The following DOCK7 variants were observed in gnomAD, a reference collection of about 807,000 sequenced individuals.
The protein encoded by DOCK7 is dedicator of cytokinesis 7, also known as dedicator of cytokinesis protein 7.
A neutral mutation model predicts 271.0 loss-of-function variants in DOCK7; 138 were observed. That is an observed-to-expected ratio of 0.51 (90% CI 0.44 to 0.59). The LOEUF (loss-of-function observed/expected upper bound fraction) is 0.59. Among genes scored for constraint, DOCK7 ranks in the 20% least tolerant of loss-of-function variants. The pLI, the probability that DOCK7 is intolerant of heterozygous loss-of-function variation, is 0.00. For synonymous variants in DOCK7, 823 were observed against 876.1 expected (o/e 0.94, Z 1.07); for missense variants, 2,066 against 2,592.4 (o/e 0.80, Z 4.41).
At chr1:62,540,355 T>C (rs1178058651) in intron 25 of DOCK7, among the ~76,000 whole-genome samples, 3 of 152,020 alleles carry the variant, frequency 2.0e-5, no homozygotes, top group Non-Finnish European at 2.9e-5. Context: ...AAAAATTTTA[T>C]AGAGACAGGG....
At chr1:62,623,523 G>C (rs1020700332) in intron 12 of DOCK7, among the ~76,000 whole-genome samples, 20 of 152,202 alleles carry the variant, frequency 1.3e-4, no homozygotes, top group Non-Finnish European at 2.9e-5. Context: ...GGGGTAGATG[G>C]CTTATTGATT....
chr1:62,531,848 T>C (rs1645183745), intron 29 of DOCK7, among the ~76,000 whole-genome samples: 1 of 152,198 alleles, frequency 6.6e-6, no homozygotes, highest in Admixed American at 6.5e-5. Flanking sequence ...TTAGCAAGTG[T>C]CCACTTTGTG....
chr1:62,560,851 T>C (rs1646299911), intron 19 of DOCK7, among the ~76,000 whole-genome samples: 1 of 152,220 alleles, frequency 6.6e-6, no homozygotes, highest in African/African-American at 2.4e-5. Flanking sequence ...AATTTTATCA[T>C]ACTTTTTACA....
intron 20 of DOCK7, among the ~76,000 whole-genome samples, 182 bp downstream of exon 20, chr1:62,558,807 T>C (rs1469243978): frequency 2.0e-5 from 3 of 152,132 alleles, no homozygotes; most frequent in African/African-American, 7.2e-5. Context: ...ATAGAACACA[T>C]TTTATAAAAA....
intron 47 of DOCK7, among the ~76,000 whole-genome samples, chr1:62,474,474 A>G (rs978144476): frequency 2.0e-5 from 3 of 152,250 alleles, no homozygotes; most frequent in Non-Finnish European, 2.9e-5. Context: ...AGGTTCCCTC[A>G]GTATTCCAAA....
At chr1:62,609,945 G>C (rs1257477393) in intron 14 of DOCK7, among the ~76,000 whole-genome samples, 1 of 152,028 alleles carries the variant, frequency 6.6e-6, no homozygotes, top group Non-Finnish European at 1.5e-5. Context: ...CCGCCTCCTG[G>C]GTTCAAGTGA....
intron 14 of DOCK7, among the ~76,000 whole-genome samples, chr1:62,606,864 A>G (rs991143933): frequency 2.0e-5 from 3 of 151,942 alleles, no homozygotes; most frequent in African/African-American, 7.2e-5. Flanking sequence ...TACATTGCCT[A>G]TTTGCCATTT....
chr1:62,475,265 T>G lies in DOCK7; in HGVS notation c.6048A>C (p.Ala2016=). 1 of 1,614,060 alleles carries G rather than the reference T, an allele frequency of 6.2e-7. No homozygotes were observed. The change falls in exon 47 of 50, where the codon GCA becomes GCC. Residue 2016 remains alanine (A), a synonymous_variant. Transcript: ENST00000635253. ...GTACCATCTGAAGCATTTTGGGGTCTGCGGGATCCTGATGTGTTGCAAATG... is the reference window on the plus strand; with the variant it reads ...GTACCATCTGAAGCATTTTGGGGTCGGCGGGATCCTGATGTGTTGCAAATG... ...ELAFATHQDP[A]DPKMLQMVLQ...
Position 62,554,251 on chromosome 1 carries a change from C to A in DOCK7, c.2597-1350G>T, listed in dbSNP as rs59805787. On this transcript the variant is annotated intron_variant, in intron 21 of 49. Coordinates refer to ENST00000635253, the MANE Select transcript of DOCK7 (RefSeq NM_001367561.1). ...ACTTTGGGAGGCCAAGGCAGGCGGA[C>A]CACGAGTTCAGGAGACTGAGACCAT... 7.8e-3 allele frequency among the ~76,000 whole-genome samples: 1,185 copies of A among 151,882 alleles called. 18 individuals are homozygous for A. Among genetic ancestry groups the A allele is most frequent in the African/African-American group, 0.027 (1,119 of 41,420 alleles).
intron 27 of DOCK7, among the ~76,000 whole-genome samples, chr1:62,538,695 T>G (rs564672481): frequency 6.6e-6 from 1 of 152,292 alleles, no homozygotes; most frequent in East Asian, 1.9e-4. Flanking sequence ...TTAGAAGAAA[T>G]AAACAATAAA....
intron 1 of DOCK7, among the ~76,000 whole-genome samples, chr1:62,669,956 G>A (rs1363021624): frequency 1.3e-5 from 2 of 152,344 alleles, no homozygotes; most frequent in South Asian, 2.1e-4. Flanking sequence ...CCGGGTGGGC[G>A]TGGGCTTGGT....
rs773299894 is a variant in DOCK7 at position 62,524,498 on chromosome 1, C to G, written c.3936+3653G>C. Reference sequence around the variant, plus strand: ...CCTATCAACAGAATGGGCAAATAAACTGATTTATAGTTAGACAATGGAATA... The same window carrying G: ...CCTATCAACAGAATGGGCAAATAAAGTGATTTATAGTTAGACAATGGAATA... On this transcript the variant is annotated intron_variant, in intron 31 of 49. Transcript: ENST00000635253. Among the ~76,000 whole-genome samples, 3 of 152,092 alleles carry G rather than the reference C, an allele frequency of 2.0e-5. No homozygotes were observed. In the East Asian group the frequency reaches 5.8e-4, roughly 29 times the overall value.
chr1:62,556,863 G>A (rs1302740000), intron 20 of DOCK7, among the ~76,000 whole-genome samples: 1 of 152,094 alleles, frequency 6.6e-6, no homozygotes, highest in East Asian at 1.9e-4. Flanking sequence ...AGAGACCAGA[G>A]ACAGAAACCT....
intron 14 of DOCK7, among the ~76,000 whole-genome samples, chr1:62,592,261 T>C (rs1472324081): frequency 6.6e-6 from 1 of 152,100 alleles, no homozygotes; most frequent in African/African-American, 2.4e-5. Flanking sequence ...GGTAAATTAA[T>C]GAAAAATGTT....
chr1:62,546,266 A>G (rs1645704093), intron 22 of DOCK7, among the ~76,000 whole-genome samples: 1 of 152,126 alleles, frequency 6.6e-6, no homozygotes. Flanking sequence ...AGTATTTTTT[A>G]AATACTTCAA....
At chr1:62,684,359 C>A (rs1247945067) in intron 1 of DOCK7, among the ~76,000 whole-genome samples, 1 of 152,132 alleles carries the variant, frequency 6.6e-6, no homozygotes, top group East Asian at 1.9e-4. Context: ...CAGTGGCTAA[C>A]ATTTTTGAAT....
At chr1:62,643,721 CTAAG>C (rs1290602858) in intron 7 of DOCK7, among the ~76,000 whole-genome samples, 1 of 152,200 alleles carries the variant, frequency 6.6e-6, no homozygotes, top group East Asian at 1.9e-4. Context: ...TTCTTCTTCC[CTAAG>C]TTATTTCCAT....
intron 18 of DOCK7, among the ~76,000 whole-genome samples, chr1:62,574,822 C>T (rs757423679): frequency 4.6e-5 from 7 of 152,096 alleles, no homozygotes; most frequent in Admixed American, 6.5e-5. Flanking sequence ...CTCTGCCTCC[C>T]GGGTTCAAGC....
At chr1:62,490,273 C>T (rs1646424752) in intron 41 of DOCK7, among the ~76,000 whole-genome samples, 1 of 151,930 alleles carries the variant, frequency 6.6e-6, no homozygotes, top group Non-Finnish European at 1.5e-5. Context: ...GCTCTTGTTA[C>T]ATTGAGCGGG....
Sources: gnomAD v4.1 joint callset for allele counts (sites outside exome capture counted in the v4.1 genomes callset) on GRCh38, gnomAD v4.1.1 for gene constraint, MANE v1.5 for transcripts, NCBI Gene and HGNC (gene_info 2026-07-23, HGNC 2026-07-21) for gene names.